Variants in MYO1B observed in about 807,000 individuals in gnomAD.
MYO1B encodes the protein myosin IB.
A neutral mutation model predicts 159.7 loss-of-function variants in MYO1B; 72 were observed. The ratio of observed to expected loss-of-function variants is 0.45; its 90% CI spans 0.37 to 0.55. The LOEUF (loss-of-function observed/expected upper bound fraction) is 0.55. Among genes scored for constraint, MYO1B ranks in the 20% least tolerant of loss-of-function variants. The pLI, the probability that MYO1B is intolerant of heterozygous loss-of-function variation, is 0.00. For missense variants in MYO1B, 1,062 were observed against 1,364.8 expected, an observed-to-expected ratio of 0.78 and a Z score of 3.50; for synonymous variants, 468 against 473.8, an observed-to-expected ratio of 0.99 and a Z score of 0.16.
At chr2:191,374,687 A>C (rs553448016) in intron 13 of MYO1B, among the ~76,000 whole-genome samples, 4 of 152,242 alleles carry the variant, frequency 2.6e-5, no homozygotes, top group Admixed American at 2.0e-4. Context: ...TCAGTAGAAC[A>C]TTGATACCAA....
chr2:191,246,253 A>T (rs1328813465), intron 1 of MYO1B: 1 of 151,816 alleles, frequency 6.6e-6, no homozygotes, highest in African/African-American at 2.4e-5. Context: ...GGGAAGGGGA[A>T]GGGGGCGGGG....
chr2:191,397,156 T>TTA, intron 21 of MYO1B, among the ~76,000 whole-genome samples: 1 of 139,584 alleles, frequency 7.2e-6, no homozygotes, highest in Non-Finnish European at 1.5e-5. Flanking sequence ...TTTTTTTTTT[T>TTA]TGTAGGTGGG....
chr2:191,342,233 G>C (rs376679202), intron 5 of MYO1B, among the ~76,000 whole-genome samples: 11 of 152,138 alleles, frequency 7.2e-5, no homozygotes, highest in African/African-American at 2.7e-4. Context: ...GTGCTTGAGT[G>C]GGGAGAGGTG....
At chr2:191,361,042 G>T (rs1012985536) in intron 8 of MYO1B, among the ~76,000 whole-genome samples, 1 of 152,054 alleles carries the variant, frequency 6.6e-6, no homozygotes, top group African/African-American at 2.4e-5. Flanking sequence ...TGGTGTATTT[G>T]CTTCTACCAC....
chr2:191,305,461 C>G (rs746574449), intron 3 of MYO1B, among the ~76,000 whole-genome samples: 1 of 152,208 alleles, frequency 6.6e-6, no homozygotes, highest in African/African-American at 2.4e-5. Flanking sequence ...CAGGCCCAGG[C>G]GTACCAGCCC....
At chr2:191,301,085 G>A (rs541632853) in intron 3 of MYO1B, among the ~76,000 whole-genome samples, 14 of 152,082 alleles carry the variant, frequency 9.2e-5, no homozygotes, top group African/African-American at 1.9e-4. Flanking sequence ...TCCCCGTTAC[G>A]TGTGAAGCCA....
intron 5 of MYO1B, among the ~76,000 whole-genome samples, chr2:191,344,082 C>A (rs35868016): frequency 1.1e-4 from 17 of 152,026 alleles, no homozygotes; most frequent in Non-Finnish European, 2.2e-4. Context: ...CCTTCACTTG[C>A]CCCTGACCTT....
chr2:191,330,081 C>A, intron 4 of MYO1B, 52 bp downstream of exon 4: 1 of 1,527,904 alleles, frequency 6.5e-7, no homozygotes, highest in Non-Finnish European at 9.0e-7. Context: ...CACAGAATGA[C>A]AACAGCAAAG....
At chr2:191,367,838 G>A (rs1694105255) in intron 11 of MYO1B, among the ~76,000 whole-genome samples, 1 of 152,138 alleles carries the variant, frequency 6.6e-6, no homozygotes, top group African/African-American at 2.4e-5. Context: ...ATCAATATAA[G>A]TACATCTATA....
intron 5 of MYO1B, among the ~76,000 whole-genome samples, chr2:191,342,226 C>G (rs1373685015): frequency 6.6e-6 from 1 of 152,170 alleles, no homozygotes; most frequent in African/African-American, 2.4e-5. Context: ...TTTCACTGTG[C>G]TTGAGTGGGG....
Position 191,344,626 on chromosome 2 carries a change from C to T in MYO1B, c.452-1610C>T, listed in dbSNP as rs182335974. On this transcript the variant is annotated intron_variant, in intron 5 of 30. Transcript: ENST00000392318. ...GGGGTGGATCACGAGGTCAGGAGAT[C>T]GAGACCATCCCGGCTAAAACGGTGA... Among the ~76,000 whole-genome samples, 16 of 151,822 alleles carry T rather than the reference C, an allele frequency of 1.1e-4. No homozygotes were observed. The East Asian group carries it at 3.1e-3, about 30-fold the overall frequency.
chr2:191,304,446 T>A (rs1409006839), intron 3 of MYO1B, among the ~76,000 whole-genome samples: 1 of 152,156 alleles, frequency 6.6e-6, no homozygotes, highest in African/African-American at 2.4e-5. Flanking sequence ...GGTGCATGCC[T>A]GTAGTCCCAG....
At chr2:191,317,437 G>A (rs1481968280) in intron 3 of MYO1B, among the ~76,000 whole-genome samples, 1 of 152,160 alleles carries the variant, frequency 6.6e-6, no homozygotes, top group Non-Finnish European at 1.5e-5. Context: ...AACTAGCAAG[G>A]GCCTGCAATG....
intron 30 of MYO1B, among the ~76,000 whole-genome samples, chr2:191,422,494 A>G (rs1225651744): frequency 1.3e-5 from 2 of 152,138 alleles, no homozygotes; most frequent in African/African-American, 4.8e-5. Flanking sequence ...AAATACACTA[A>G]TGGATTTTTT....
intron 2 of MYO1B, among the ~76,000 whole-genome samples, chr2:191,279,033 A>G (rs1009936414): frequency 2.0e-5 from 3 of 152,278 alleles, no homozygotes; most frequent in Admixed American, 2.0e-4. Flanking sequence ...CACCTTTTTA[A>G]CAAAATGCCA....
At chr2:191,327,077 G>A (rs982536394) in intron 3 of MYO1B, among the ~76,000 whole-genome samples, 1 of 152,154 alleles carries the variant, frequency 6.6e-6, no homozygotes. Context: ...GGAGCAGAAG[G>A]GGAGGAAGGC....
chr2:191,341,637 C>T, intron 5 of MYO1B, 72 bp downstream of exon 5: 1 of 1,205,822 alleles, frequency 8.3e-7, no homozygotes, highest in Non-Finnish European at 1.2e-6. Flanking sequence ...GCTTTGAGTA[C>T]CTGGTCTGCT....
At chr2:191,310,524 A>G (rs1252107286) in intron 3 of MYO1B, among the ~76,000 whole-genome samples, 1 of 152,230 alleles carries the variant, frequency 6.6e-6, no homozygotes, top group African/African-American at 2.4e-5. Context: ...TTCTTGAAGT[A>G]GGTGGCTTTT....
At chr2:191,313,730 G>C (rs1690173437) in intron 3 of MYO1B, among the ~76,000 whole-genome samples, 1 of 152,094 alleles carries the variant, frequency 6.6e-6, no homozygotes, top group Non-Finnish European at 1.5e-5. Flanking sequence ...TTTTGGTCAG[G>C]CTGGTCTTGA....
Sources: gnomAD v4.1 joint callset for allele counts (sites outside exome capture counted in the v4.1 genomes callset) on GRCh38, gnomAD v4.1.1 for gene constraint, MANE v1.5 for transcripts, NCBI Gene and HGNC (gene_info 2026-07-23, HGNC 2026-07-21) for gene names.